Variants in ZNF385B observed in about 807,000 individuals in gnomAD.
ZNF385B encodes the protein zinc finger protein 533.
Under a neutral mutation model 39.2 loss-of-function variants are expected in ZNF385B, and 23 were observed. The observed-to-expected ratio is 0.59, with a 90% CI of 0.42 to 0.83. The LOEUF is 0.83. ZNF385B is among the 40% of genes least tolerant of loss of function. The pLI is 0.00. For missense variants in ZNF385B, 552 were observed against 598.9 expected, an observed-to-expected ratio of 0.92 and a Z score of 0.82; for synonymous variants, 205 against 222.6, an observed-to-expected ratio of 0.92 and a Z score of 0.70.
At chr2:179,578,709 T>A (rs563499848) in intron 3 of ZNF385B, among the ~76,000 whole-genome samples, 3 of 152,074 alleles carry the variant, frequency 2.0e-5, no homozygotes, top group Non-Finnish European at 4.4e-5. Flanking sequence ...TTTAAGGTCA[T>A]TAGATTCTGT....
intron 3 of ZNF385B, among the ~76,000 whole-genome samples, chr2:179,668,110 A>C (rs1261156933): frequency 6.6e-6 from 1 of 152,242 alleles, no homozygotes; most frequent in Non-Finnish European, 1.5e-5. Context: ...CATCCTATCC[A>C]TAAGTCAATT....
At chr2:179,661,116 A>T (rs143643860) in intron 3 of ZNF385B, among the ~76,000 whole-genome samples, 1 of 152,216 alleles carries the variant, frequency 6.6e-6, no homozygotes, top group Admixed American at 6.5e-5. Flanking sequence ...AAGGTTAAAA[A>T]GTTAAAAATA....
intron 1 of ZNF385B, among the ~76,000 whole-genome samples, chr2:179,798,368 T>C (rs1255313479): frequency 1.3e-5 from 2 of 152,090 alleles, no homozygotes; most frequent in Non-Finnish European, 1.5e-5. Context: ...CTAGGAGTGC[T>C]CAATATTATA....
At chr2:179,791,304 A>G (rs1705312560) in intron 1 of ZNF385B, among the ~76,000 whole-genome samples, 1 of 152,156 alleles carries the variant, frequency 6.6e-6, no homozygotes, top group East Asian at 1.9e-4. Flanking sequence ...TCTCTACCTA[A>G]TACAGTCTTT....
rs898953653 is a variant in ZNF385B, at chr2:179,666,120, G to T, written c.298+103383C>A. On this transcript the variant is annotated intron_variant, in intron 3 of 9. Coordinates refer to ENST00000410066, the MANE Select transcript of ZNF385B (RefSeq NM_152520.6). ...TGTTAAGATACATCTAATGTTGGGAGATGAAAGCCCAAAAAGATTTTAAGA... is the reference window on the plus strand; with the variant it reads ...TGTTAAGATACATCTAATGTTGGGATATGAAAGCCCAAAAAGATTTTAAGA... Among the ~76,000 whole-genome samples, 4 of 152,308 alleles carry T rather than the reference G, an allele frequency of 2.6e-5. No individual in the cohort carries two copies. In the East Asian group the frequency reaches 7.7e-4, roughly 29 times the overall value.
intron 3 of ZNF385B, among the ~76,000 whole-genome samples, chr2:179,696,115 G>T (rs565755186): frequency 6.6e-6 from 1 of 152,148 alleles, no homozygotes; most frequent in South Asian, 2.1e-4. Flanking sequence ...GTGTTGTGGG[G>T]AGTGGAGACA....
At chr2:179,493,789 GTATACATATATGTA>G (rs2055813877) in intron 5 of ZNF385B, among the ~76,000 whole-genome samples, 2 of 113,266 alleles carry the variant, frequency 1.8e-5, no homozygotes, top group South Asian at 5.7e-4. Flanking sequence ...ATACACATAT[GTATACATATATGTA>G]TATATACATA....
chr2:179,803,277 T>G (rs749867717), intron 1 of ZNF385B, among the ~76,000 whole-genome samples: 1 of 152,140 alleles, frequency 6.6e-6, no homozygotes, highest in Non-Finnish European at 1.5e-5. Context: ...TAACACAGTT[T>G]TAGTAAATAT....
At chr2:179,467,968 C>T (rs1350060185) in intron 6 of ZNF385B, among the ~76,000 whole-genome samples, 1 of 152,216 alleles carries the variant, frequency 6.6e-6, no homozygotes, top group Non-Finnish European at 1.5e-5. Context: ...GATGTCACTG[C>T]TCTTTCCATT....
chr2:179,833,342 T>TCACAAATA (rs1454264966), intron 1 of ZNF385B, among the ~76,000 whole-genome samples: 6 of 152,094 alleles, frequency 3.9e-5, no homozygotes, highest in South Asian at 4.1e-4. Flanking sequence ...ATGTGGTAGC[T>TCACAAATA]AGAAAAACAC....
At chr2:179,475,697 T>C (rs202010626) in intron 6 of ZNF385B, among the ~76,000 whole-genome samples, 32 of 16,386 alleles carry the variant, frequency 2.0e-3, no homozygotes, top group African/African-American at 7.7e-3. Context: ...ACATGTTTCA[T>C]TGAAAAACAC....
chr2:179,706,710 G>C (rs1380860517), intron 3 of ZNF385B, among the ~76,000 whole-genome samples: 1 of 152,192 alleles, frequency 6.6e-6, no homozygotes, highest in Non-Finnish European at 1.5e-5. Flanking sequence ...CTGAGTAGTG[G>C]CAACTGTGGT....
At chr2:179,651,448 C>T (rs958367605) in intron 3 of ZNF385B, among the ~76,000 whole-genome samples, 2 of 152,138 alleles carry the variant, frequency 1.3e-5, no homozygotes, top group Non-Finnish European at 2.9e-5. Flanking sequence ...AATGGCTTTA[C>T]ATTTAAAGGT....
chr2:179,584,167 G>A (rs1686838780), intron 3 of ZNF385B: 2 of 391,710 alleles, frequency 5.1e-6, no homozygotes, highest in Non-Finnish European at 1.0e-5. Context: ...GTGTTGTGGG[G>A]TGCTATGCAC....
intron 3 of ZNF385B, among the ~76,000 whole-genome samples, chr2:179,633,826 A>G (rs1237969076): frequency 6.6e-6 from 1 of 152,238 alleles, no homozygotes; most frequent in East Asian, 1.9e-4. Flanking sequence ...GGCTACAGTA[A>G]CCAAAACAGC....
chr2:179,836,409 CA>C (rs1180117092), intron 1 of ZNF385B, among the ~76,000 whole-genome samples: 1 of 151,452 alleles, frequency 6.6e-6, no homozygotes, highest in African/African-American at 2.4e-5. Context: ...GCATTTAGAG[CA>C]ATAAAATAAA....
At chr2:179,492,836 G>C (rs1203211712) in intron 5 of ZNF385B, among the ~76,000 whole-genome samples, 4 of 152,018 alleles carry the variant, frequency 2.6e-5, no homozygotes, top group Non-Finnish European at 5.9e-5. Context: ...ATATAACTAA[G>C]AGAAAATAAT....
At chr2:179,670,224 G>C (rs1695756544) in intron 3 of ZNF385B, among the ~76,000 whole-genome samples, 1 of 150,828 alleles carries the variant, frequency 6.6e-6, no homozygotes, top group Non-Finnish European at 1.5e-5. Context: ...CCCGGGAGGC[G>C]GAGCTTGCAG....
At chr2:179,746,872 T>C (rs1212547903) in intron 3 of ZNF385B, among the ~76,000 whole-genome samples, 1 of 152,078 alleles carries the variant, frequency 6.6e-6, no homozygotes, top group Non-Finnish European at 1.5e-5. Context: ...TCACAAAATA[T>C]ACAGATTTGA....
Sources: gnomAD v4.1 joint callset for allele counts (sites outside exome capture counted in the v4.1 genomes callset) on GRCh38, gnomAD v4.1.1 for gene constraint, MANE v1.5 for transcripts, NCBI Gene and HGNC (gene_info 2026-07-23, HGNC 2026-07-21) for gene names.